The following DNMT3A variants were observed in gnomAD, a reference collection of about 807,000 sequenced individuals.
DNMT3A encodes the protein DNA (cytosine-5)-methyltransferase 3A.
In DNMT3A, 267 loss-of-function variants were observed where a neutral mutation model predicts 117.6. The ratio of observed to expected loss-of-function variants is 2.27; its 90% CI spans 2.05 to 2.51. The LOEUF is 2.51. Among genes scored for constraint, DNMT3A ranks in the 30% most tolerant of loss-of-function variants. The pLI is 0.00. For missense variants in DNMT3A, 1,029 were observed against 1,260.2 expected, an observed-to-expected ratio of 0.82 and a Z score of 2.78; for synonymous variants, 432 against 474.8, an observed-to-expected ratio of 0.91 and a Z score of 1.17.
chr2:25,255,770 A>G (rs1339576625), intron 6 of DNMT3A, among the ~76,000 whole-genome samples: 1 of 152,236 alleles, frequency 6.6e-6, no homozygotes, highest in Non-Finnish European at 1.5e-5. Flanking sequence ...TAAATCTAAC[A>G]TTCTGGGGTG....
chr2:25,244,784 G>T (rs1206943710), intron 13 of DNMT3A, 132 bp from the exon 14 acceptor site: 1 of 732,832 alleles, frequency 1.4e-6, no homozygotes, highest in South Asian at 1.7e-5. Context: ...CTTAGCCAGG[G>T]TCAGGCCCCA....
At chr2:25,290,807 G>C (rs1229616964) in intron 3 of DNMT3A, among the ~76,000 whole-genome samples, 2 of 145,552 alleles carry the variant, frequency 1.4e-5, no homozygotes, top group African/African-American at 5.0e-5. Context: ...TGTGGGGGTG[G>C]GGGGTGGGTA....
chr2:25,251,923 C>A, intron 6 of DNMT3A: 1 of 480,646 alleles, frequency 2.1e-6, no homozygotes, highest in Non-Finnish European at 3.7e-6. Flanking sequence ...ACTGCCCGGG[C>A]TCCCGGCCGG....
Position 25,240,366 on chromosome 2 carries a change from CAGA to C in DNMT3A, c.2255_2257del (p.Phe752del), listed in dbSNP as rs749132507. 9.9e-6 allele frequency: 16 copies of C among 1,613,982 alleles called. No homozygotes were observed. The highest frequency in any genetic ancestry group is 2.2e-5 in the South Asian group (2 of 91,092). On this transcript the variant is annotated inframe_deletion, in exon 19 of 23. Coordinates refer to ENST00000321117, the MANE Select transcript of DNMT3A (RefSeq NM_022552.5). ...CATGGCCACCACATTCTCAAAGAGC[CAGA>C]AGAAGGGGCGATCATCTCCCTCCTT...
chr2:25,263,233 AC>A (rs1427851954), intron 6 of DNMT3A, among the ~76,000 whole-genome samples: 1 of 152,000 alleles, frequency 6.6e-6, no homozygotes, highest in Non-Finnish European at 1.5e-5. Context: ...CCTCTTTTGC[AC>A]TTACTGAAAT....
Position 25,247,833 on chromosome 2 carries a change from G to C in DNMT3A, c.856-84C>G. 6.4e-7 allele frequency: 1 copy of C among 1,564,772 alleles called. No homozygotes were observed. Among genetic ancestry groups the C allele is most frequent in the Non-Finnish European group, 8.6e-7 (1 of 1,159,918 alleles). On this transcript the variant is annotated intron_variant, in intron 7 of 22. Transcript: ENST00000321117. The surrounding 1 kb of genome is among the most constrained non-coding windows in gnomAD (Gnocchi z 5.6). ...TCCCCCCATGGCAACCCCAGCCCTG[G>C]GCATCTGGGGGGCAGGACAGCCAGG...
chr2:25,251,159 G>T (rs1210025040), intron 6 of DNMT3A, among the ~76,000 whole-genome samples: 6 of 144,146 alleles, frequency 4.2e-5, no homozygotes, highest in South Asian at 4.8e-4. Flanking sequence ...GAAGCGGGGG[G>T]GGGGGTGGGT....
intron 14 of DNMT3A, 65 bp from the exon 15 acceptor site, chr2:25,244,403 A>G: frequency 6.4e-7 from 1 of 1,566,450 alleles, no homozygotes; most frequent in Non-Finnish European, 8.7e-7. Context: ...AAGGTGTGCT[A>G]CCTGGAATGG....
intron 3 of DNMT3A, among the ~76,000 whole-genome samples, chr2:25,287,674 G>A (rs1355062351): frequency 6.6e-6 from 1 of 151,886 alleles, no homozygotes; most frequent in African/African-American, 2.4e-5. Context: ...TGAGGTGCTG[G>A]CATCTAGTGA....
chr2:25,282,167 C>G lies in DNMT3A; in HGVS notation c.448+274G>C. 4.6e-6 allele frequency: 5 copies of G among 1,094,272 alleles called. No homozygotes were observed. Among genetic ancestry groups the G allele is most frequent in the Non-Finnish European group, 4.7e-6 (4 of 852,142 alleles). The allele number at this position is 1,094,272 out of a possible 1,614,324, so 67.8% of individuals were successfully genotyped here. A position where few individuals can be genotyped will look rare whatever the true frequency, so the allele number is the denominator to read the frequency against. The stretch of plus-strand genomic sequence containing the variant: ...TGCCAGATCTAGCTTTTTTTTTTTT[C>G]ATGAGAAGCCAAAACTCCAGATTTT... On this transcript the variant is annotated intron_variant, in intron 4 of 22. Transcript: ENST00000321117. This position sits in a 1 kb window ranked among gnomAD's most constrained non-coding sequence, Gnocchi z 5.2.
chr2:25,268,574 G>T (rs950522095), intron 6 of DNMT3A, among the ~76,000 whole-genome samples: 8 of 152,132 alleles, frequency 5.3e-5, no homozygotes, highest in African/African-American at 1.9e-4. Context: ...GGAGCTAAGG[G>T]AGTGCCTTCC....
intron 2 of DNMT3A, among the ~76,000 whole-genome samples, chr2:25,313,021 A>T (rs1289308928): frequency 1.3e-5 from 2 of 152,250 alleles, no homozygotes; most frequent in East Asian, 3.8e-4. Flanking sequence ...CAGACATGCC[A>T]GGAAGGCCTA....
chr2:25,247,329 AGG>A lies in DNMT3A; in HGVS notation c.1015-173_1015-172del. ...GCAAAGAGGAGTCCAGACCAAGAGT[AGG>A]GAAGTACCTGAGTGCAGGTGGAAAG... On this transcript the variant is annotated intron_variant, in intron 8 of 22. Coordinates refer to ENST00000321117, the MANE Select transcript of DNMT3A (RefSeq NM_022552.5). The surrounding 1 kb of genome is among the most constrained non-coding windows in gnomAD (Gnocchi z 5.6). 1.3e-6 allele frequency: 1 copy of A among 783,138 alleles called. No homozygotes were observed. The highest frequency in any genetic ancestry group is 1.8e-5 in the South Asian group (1 of 55,324). The allele number at this position is 783,138 out of a possible 1,614,324, so 48.5% of individuals were successfully genotyped here.
At chr2:25,329,043 C>A (rs2034907348) in intron 1 of DNMT3A, among the ~76,000 whole-genome samples, 1 of 152,186 alleles carries the variant, frequency 6.6e-6, no homozygotes, top group African/African-American at 2.4e-5. Flanking sequence ...TTGGGAGCGG[C>A]TGTTGGAGCT....
At chr2:25,332,190 G>A (rs909353528) in intron 1 of DNMT3A, among the ~76,000 whole-genome samples, 10 of 152,270 alleles carry the variant, frequency 6.6e-5, no homozygotes, top group Admixed American at 2.0e-4. Flanking sequence ...CCCAACGTCC[G>A]TTCATAACAT....
At chr2:25,260,165 A>G (rs573590350) in intron 6 of DNMT3A, among the ~76,000 whole-genome samples, 9 of 152,364 alleles carry the variant, frequency 5.9e-5, no homozygotes, top group African/African-American at 2.2e-4. Context: ...CCCGCCGCCA[A>G]TGCAGGCGAT....
intron 4 of DNMT3A, among the ~76,000 whole-genome samples, chr2:25,279,523 G>A (rs2031725566): frequency 6.6e-6 from 1 of 152,150 alleles, no homozygotes; most frequent in African/African-American, 2.4e-5. Flanking sequence ...CATATTGGCA[G>A]AGCCTAGGCC....
rs1235574705 is a variant in DNMT3A, at chr2:25,237,478, A to G, written c.2409-473T>C. Among the ~76,000 whole-genome samples the G allele has an allele frequency of 6.6e-6, 1 of 152,168 alleles. No homozygotes were observed. The highest frequency in any genetic ancestry group is 1.5e-5 in the Non-Finnish European group (1 of 68,018). ...CTTAAATGTACTGCTTTAAAAGACT[A>G]AATTCTGGGCCAGGCGCAGTGGCTC... On this transcript the variant is annotated intron_variant, in intron 20 of 22. Coordinates refer to ENST00000321117, the MANE Select transcript of DNMT3A (RefSeq NM_022552.5). This position sits in a 1 kb window ranked among gnomAD's most constrained non-coding sequence, Gnocchi z 5.4.
Position 25,293,301 on chromosome 2 carries a change from C to G in DNMT3A, c.177+6838G>C, listed in dbSNP as rs1297293156. Among the ~76,000 whole-genome samples the G allele has an allele frequency of 6.6e-6, 1 of 152,222 alleles. No individual in the cohort carries two copies. Among genetic ancestry groups the G allele is most frequent in the Non-Finnish European group, 1.5e-5 (1 of 68,042 alleles). Reference sequence around the variant, plus strand: ...CTGGCGCCCCTGCCCCCTCCCCTCTCCCAGCATGTGCTCATGCTCAGGGAT... The same window carrying G: ...CTGGCGCCCCTGCCCCCTCCCCTCTGCCAGCATGTGCTCATGCTCAGGGAT... On this transcript the variant is annotated intron_variant, in intron 3 of 22. Coordinates refer to ENST00000321117, the MANE Select transcript of DNMT3A (RefSeq NM_022552.5). This position sits in a 1 kb window ranked among gnomAD's most constrained non-coding sequence, Gnocchi z 4.7.
Sources: gnomAD v4.1 joint callset for allele counts (sites outside exome capture counted in the v4.1 genomes callset) on GRCh38, gnomAD v4.1.1 for gene constraint, Gnocchi (gnomAD v3.1) non-coding constraint, MANE v1.5 for transcripts, NCBI Gene and HGNC (gene_info 2026-07-23, HGNC 2026-07-21) for gene names.